Variants in SNX30 observed in about 807,000 individuals in gnomAD.
The protein encoded by SNX30 is sorting nexin family member 30, also known as sorting nexin-30.
Under a neutral mutation model 46.4 loss-of-function variants are expected in SNX30, and 24 were observed. The ratio of observed to expected loss-of-function variants is 0.52; its 90% CI spans 0.37 to 0.73. The LOEUF is 0.73. Ranked by LOEUF, SNX30 falls within the 30% of genes least tolerant of loss-of-function variation. The probability of loss-of-function intolerance (pLI) is 0.00; values close to 1 mark genes in which losing one functional copy is unlikely to be tolerated. For missense variants in SNX30, 533 were observed against 555.7 expected, an observed-to-expected ratio of 0.96 and a Z score of 0.41; for synonymous variants, 189 against 211.5, an observed-to-expected ratio of 0.89 and a Z score of 0.92.
intron 8 of SNX30, among the ~76,000 whole-genome samples, chr9:112,865,102 C>T (rs1289723874): frequency 2.6e-5 from 3 of 116,046 alleles, no homozygotes; most frequent in Non-Finnish European, 5.4e-5. Context: ...CCACACACCC[C>T]CCATACTACA....
chr9:112,835,875 A>G lies in SNX30; in HGVS notation c.619-339A>G, dbSNP rs148626287. Among the ~76,000 whole-genome samples, 933 of 152,262 alleles carry G rather than the reference A, an allele frequency of 6.1e-3. 8 individuals carry two copies. The highest frequency in any genetic ancestry group is 0.01 in the Middle Eastern group (3 of 294). On this transcript the variant is annotated intron_variant, in intron 4 of 8. Coordinates refer to ENST00000374232, the MANE Select transcript of SNX30 (RefSeq NM_001012994.2). ...CTTCAGTTTTGCTTGTAAAGACAAT[A>G]TAGGGTACTTTGTATGGGAGAAACA...
chr9:112,767,802 G>A (rs1375020712), intron 1 of SNX30, among the ~76,000 whole-genome samples: 1 of 151,950 alleles, frequency 6.6e-6, no homozygotes, highest in East Asian at 1.9e-4. Context: ...GTTTCCCTAT[G>A]TTGTCCATGC....
At chr9:112,833,720 A>T (rs536648882) in intron 4 of SNX30, among the ~76,000 whole-genome samples, 83 of 152,310 alleles carry the variant, frequency 5.4e-4, no homozygotes, top group Non-Finnish European at 1.0e-3. Flanking sequence ...CAGCGAGCCC[A>T]TTTGACTCTA....
downstream of SNX30, among the ~76,000 whole-genome samples, chr9:112,876,829 A>G (rs961513388): frequency 7.2e-5 from 11 of 151,882 alleles, no homozygotes; most frequent in African/African-American, 2.7e-4. Context: ...CCAGCTGCTC[A>G]GGTGGCTGAG....
intron 1 of SNX30, among the ~76,000 whole-genome samples, chr9:112,791,092 T>C (rs1015945200): frequency 6.6e-6 from 1 of 152,198 alleles, no homozygotes; most frequent in African/African-American, 2.4e-5. Context: ...TTCACCATTT[T>C]AAGGTATATA....
intron 2 of SNX30, among the ~76,000 whole-genome samples, chr9:112,809,078 C>T (rs1840275740): frequency 7.3e-6 from 1 of 137,628 alleles, no homozygotes; most frequent in Non-Finnish European, 1.5e-5. Context: ...GCCCAAAAGA[C>T]ATGATTTTCT....
At chr9:112,878,100 C>T (rs1048265658), downstream of SNX30, 1 of 152,260 alleles carries the variant, frequency 6.6e-6, no homozygotes, top group African/African-American at 2.4e-5. Flanking sequence ...CTCACTCCTT[C>T]CACCAATTCA....
At chr9:112,846,318 T>C (rs1384916166) in intron 6 of SNX30, among the ~76,000 whole-genome samples, 1 of 152,258 alleles carries the variant, frequency 6.6e-6, no homozygotes, top group Non-Finnish European at 1.5e-5. Flanking sequence ...CCCCCTCCTT[T>C]AAATTTTCCA....
intron 8 of SNX30, among the ~76,000 whole-genome samples, chr9:112,865,896 T>C (rs1458578147): frequency 6.6e-6 from 1 of 151,726 alleles, no homozygotes; most frequent in Non-Finnish European, 1.5e-5. Flanking sequence ...CCTCTGCTGT[T>C]CAGCGGCCTT....
intron 2 of SNX30, 61 bp downstream of exon 2, chr9:112,805,028 C>T: frequency 7.1e-7 from 1 of 1,399,584 alleles, no homozygotes. Context: ...GGGTCTACCT[C>T]AGTGAATTTT....
At chr9:112,825,160 G>A (rs1840562775) in intron 3 of SNX30, among the ~76,000 whole-genome samples, 1 of 152,184 alleles carries the variant, frequency 6.6e-6, no homozygotes, top group Admixed American at 6.5e-5. Flanking sequence ...TTGAGGAATT[G>A]TTCAAACGGT....
rs1210033031 is a variant in SNX30 at position 112,766,889 on chromosome 9, G to C, written c.156+15732G>C. Reference sequence around the variant, plus strand: ...GGACATTAGGTTGCTTTTGCCTCTTGGCCATTGTGAACAATGCTGCAATGA... The same window carrying C: ...GGACATTAGGTTGCTTTTGCCTCTTCGCCATTGTGAACAATGCTGCAATGA... On this transcript the variant is annotated intron_variant, in intron 1 of 8. Transcript: ENST00000374232. Among the ~76,000 whole-genome samples, 5 of 152,004 alleles carry C rather than the reference G, an allele frequency of 3.3e-5. No individual in the cohort carries two copies. In the East Asian group the frequency reaches 9.6e-4, roughly 29 times the overall value.
chr9:112,817,924 A>G (rs1209079554), intron 3 of SNX30, 109 bp downstream of exon 3: 2 of 733,228 alleles, frequency 2.7e-6, no homozygotes, highest in South Asian at 1.5e-5. Context: ...CCCAGCAAAC[A>G]TATATAAAAC....
At chr9:112,876,859 T>C (rs577801656), downstream of SNX30, among the ~76,000 whole-genome samples, 1 of 151,250 alleles carries the variant, frequency 6.6e-6, no homozygotes, top group South Asian at 2.1e-4. Context: ...TTGCTTGAAC[T>C]CTGGAGGTGG....
chr9:112,753,142 A>G (rs1044045698), intron 1 of SNX30, among the ~76,000 whole-genome samples: 11 of 152,172 alleles, frequency 7.2e-5, no homozygotes, highest in Admixed American at 5.9e-4. Flanking sequence ...TCATTGGGCC[A>G]TCTTGGAGAC....
chr9:112,760,400 A>G (rs771040072), intron 1 of SNX30, among the ~76,000 whole-genome samples: 3 of 152,330 alleles, frequency 2.0e-5, no homozygotes, highest in East Asian at 1.9e-4. Flanking sequence ...CTGGTCTAAC[A>G]TCAATATCTT....
At chr9:112,795,799 A>ACACACACG (rs1490138666) in intron 1 of SNX30, among the ~76,000 whole-genome samples, 3 of 151,798 alleles carry the variant, frequency 2.0e-5, no homozygotes, top group African/African-American at 7.3e-5. Flanking sequence ...ACACACACGC[A>ACACACACG]CACATGATGA....
chr9:112,757,565 A>G (rs1298808201), intron 1 of SNX30, among the ~76,000 whole-genome samples: 1 of 152,212 alleles, frequency 6.6e-6, no homozygotes, highest in Non-Finnish European at 1.5e-5. Context: ...TAATGTCTTT[A>G]GAAACCTCCA....
At chr9:112,778,419 C>T (rs979734107) in intron 1 of SNX30, among the ~76,000 whole-genome samples, 4 of 152,024 alleles carry the variant, frequency 2.6e-5, no homozygotes, top group African/African-American at 4.8e-5. Context: ...ATTTCGGGCA[C>T]CTGCCACCAG....
Sources: allele counts gnomAD v4.1 joint callset (sites outside exome capture counted in the v4.1 genomes callset), GRCh38; gene constraint gnomAD v4.1.1; transcripts MANE v1.5; gene names NCBI Gene and HGNC (gene_info 2026-07-23, HGNC 2026-07-21).